Variants in HERC1 observed in about 807,000 individuals in gnomAD.
HERC1 encodes the protein probable E3 ubiquitin-protein ligase HERC1.
HERC1 carries 160 observed loss-of-function variants against 554.3 expected under a neutral mutation model. The ratio of observed to expected loss-of-function variants is 0.29; its 90% CI spans 0.25 to 0.33. The LOEUF is 0.33. Ranked by LOEUF, HERC1 falls within the 10% of genes least tolerant of loss-of-function variation. The pLI, the probability that HERC1 is intolerant of heterozygous loss-of-function variation, is 1.00. For synonymous variants in HERC1, 2,175 were observed against 2,131.7 expected, an observed-to-expected ratio of 1.02 and a Z score of -0.56; for missense variants, 4,919 against 5,918.5, an observed-to-expected ratio of 0.83 and a Z score of 5.54.
Position 63,729,343 on chromosome 15 carries a change from T to C in HERC1, c.3047A>G (p.His1016Arg), listed in dbSNP as rs766756586. Residue 1016 changes from histidine to arginine, a missense_variant, in exon 16 of 78, where the codon CAT becomes CGT. Physicochemically the swap from His to Arg is conservative, Grantham distance 29. Coordinates refer to ENST00000443617, the MANE Select transcript of HERC1 (RefSeq NM_003922.4). ...SENSSSVALLHKHLQLLLPHA... is the reference protein window; with the variant it reads ...SENSSSVALLRKHLQLLLPHA... ...AGGCAACAAAAGCTGAAGATGTTTA[T>C]GAAGCAATGCCACACTGCTTGAGTT... 1 of 1,610,288 alleles carries C rather than the reference T, an allele frequency of 6.2e-7. No homozygotes were observed. The highest frequency in any genetic ancestry group is 8.5e-7 in the Non-Finnish European group (1 of 1,178,368).
chr15:63,636,491 G>C (rs922882511), intron 64 of HERC1, among the ~76,000 whole-genome samples: 5 of 152,044 alleles, frequency 3.3e-5, no homozygotes, highest in Non-Finnish European at 5.9e-5. Context: ...GGCTGGTCAT[G>C]AACTCCTGAC....
rs2073400940 is a variant in HERC1 at position 63,713,383 on chromosome 15, C to T, written c.4433G>A (p.Ser1478Asn). ...CATAAGTCCACCCCCTTCAGAGGCACTTGTTGAAGGTTGCTGCAACTGTCC... is the reference window on the plus strand; with the variant it reads ...CATAAGTCCACCCCCTTCAGAGGCATTTGTTGAAGGTTGCTGCAACTGTCC... ...EEGQLQQPST[S>N]ASEGGGLMTR... Residue 1478 changes from serine (S) to asparagine (N), a missense_variant, in exon 23 of 78, where the codon AGT becomes AAT. Ser to Asn is a conservative substitution (Grantham distance 46). Transcript: ENST00000443617. The T allele has an allele frequency of 1.9e-6, 3 of 1,613,980 alleles. No individual in the cohort carries two copies. Among genetic ancestry groups the T allele is most frequent in the African/African-American group, 1.3e-5 (1 of 75,052 alleles).
intron 60 of HERC1, 60 bp downstream of exon 60, chr15:63,641,410 T>C (rs2069057074): frequency 1.4e-6 from 2 of 1,432,930 alleles, no homozygotes; most frequent in Non-Finnish European, 1.9e-6. Flanking sequence ...TTCAAGGCTA[T>C]AATCACATTC....
Position 63,677,994 on chromosome 15 carries a change from C to T in HERC1, c.6921G>A (p.Leu2307=). The part of the protein sequence containing the change: ...RTLCIEVWPV[L]AVIGGVDAGL... ...CAGCATCAACTCCTCCTATCACAGCCAGCACGGGCCACACCTCTATGCAAA... is the reference window on the plus strand; with the variant it reads ...CAGCATCAACTCCTCCTATCACAGCTAGCACGGGCCACACCTCTATGCAAA... The change falls in exon 37 of 78, where the codon CTG becomes CTA. Residue 2307 remains leucine (L), a synonymous_variant. Coordinates refer to ENST00000443617, the MANE Select transcript of HERC1 (RefSeq NM_003922.4). The surrounding 1 kb of genome is among the most constrained non-coding windows in gnomAD (Gnocchi z 4.4). 1.2e-6 allele frequency: 2 copies of T among 1,614,026 alleles called. No homozygotes were observed. Among genetic ancestry groups the T allele is most frequent in the Non-Finnish European group, 1.7e-6 (2 of 1,179,888 alleles).
intron 1 of HERC1, among the ~76,000 whole-genome samples, chr15:63,814,847 C>A (rs890130556): frequency 1.3e-5 from 2 of 152,268 alleles, no homozygotes; most frequent in East Asian, 3.9e-4. Flanking sequence ...TACCTGTCTA[C>A]GTCTCAAAAT....
intron 8 of HERC1, among the ~76,000 whole-genome samples, chr15:63,750,810 G>A (rs1347935106): frequency 1.3e-5 from 2 of 152,166 alleles, no homozygotes; most frequent in East Asian, 1.9e-4. Context: ...GCACAGGCCT[G>A]TGGTCCCAGC....
At chr15:63,790,348 G>A (rs1264287108) in intron 1 of HERC1, among the ~76,000 whole-genome samples, 1 of 152,158 alleles carries the variant, frequency 6.6e-6, no homozygotes, top group Non-Finnish European at 1.5e-5. Flanking sequence ...GGAGGCCGAG[G>A]CGGGCGGATC....
At chr15:63,805,190 T>C (rs1047688118) in intron 1 of HERC1, among the ~76,000 whole-genome samples, 8 of 152,194 alleles carry the variant, frequency 5.3e-5, no homozygotes, top group Non-Finnish European at 1.0e-4. Flanking sequence ...CATCATCTGA[T>C]GAATGAATAG....
At chr15:63,665,574 A>G (rs1347774099) in intron 42 of HERC1, among the ~76,000 whole-genome samples, 2 of 152,196 alleles carry the variant, frequency 1.3e-5, no homozygotes, top group African/African-American at 4.8e-5. Flanking sequence ...CATTAAATCA[A>G]TGTCCAATAT....
intron 41 of HERC1, 81 bp from the exon 42 acceptor site, chr15:63,666,231 C>T: frequency 7.2e-7 from 1 of 1,389,046 alleles, no homozygotes; most frequent in Non-Finnish European, 9.9e-7. Flanking sequence ...TGCTATGATG[C>T]TCTTGTAACA....
chr15:63,648,916 AACC>A (rs1426282308), intron 54 of HERC1, among the ~76,000 whole-genome samples: 1 of 152,208 alleles, frequency 6.6e-6, no homozygotes, highest in Non-Finnish European at 1.5e-5. Context: ...TCCCCCAGAC[AACC>A]AACAAAATCT....
intron 26 of HERC1, 23 bp downstream of exon 26, chr15:63,698,705 A>C: frequency 6.2e-7 from 1 of 1,602,984 alleles, no homozygotes; most frequent in Admixed American, 1.7e-5. Flanking sequence ...AGCTCTCATA[A>C]GGAGTAAATA....
Position 63,645,507 on chromosome 15 carries a change from G to T in HERC1, c.11054C>A (p.Ser3685Tyr), listed in dbSNP as rs1372070730. The T allele has an allele frequency of 5.0e-6, 8 of 1,611,620 alleles. No individual in the cohort carries two copies. The Admixed American group carries it at 8.4e-5, about 17-fold the overall frequency. ...CGTAGCCATCAGTAACTGCAACTTG[G>T]ATCCTTTCCCTGGAAGGCGGCACCA... ...IAWCRLPGKGSKLQLLMATGC... is the reference protein window; with the variant it reads ...IAWCRLPGKGYKLQLLMATGC... Residue 3685 changes from serine (S) to tyrosine (Y), a missense_variant, in exon 56 of 78, where the codon TCC becomes TAC. Physicochemically the swap from Ser to Tyr is moderately radical, Grantham distance 144 (BLOSUM62 -2). Around this residue, in one of 11 missense-constraint regions of HERC1, gnomAD observed 1,963 missense variants for 2,228.6 expected, o/e 0.88. Transcript: ENST00000443617.
intron 8 of HERC1, among the ~76,000 whole-genome samples, chr15:63,752,220 G>A (rs1234793548): frequency 6.6e-6 from 1 of 152,086 alleles, no homozygotes; most frequent in African/African-American, 2.4e-5. Flanking sequence ...CAGCTTTTCT[G>A]CTCCTCTGCC....
At position 63,775,693 on chromosome 15, in the gene HERC1, T is replaced by C; in HGVS notation, c.-26-44A>G. 4.8e-6 allele frequency: 6 copies of C among 1,246,776 alleles called. No individual in the cohort carries two copies. Among genetic ancestry groups the C allele is most frequent in the Non-Finnish European group, 6.7e-6 (6 of 889,746 alleles). The allele number at this position is 1,246,776 out of a possible 1,614,324, so 77.2% of individuals were successfully genotyped here. On this transcript the variant is annotated intron_variant, in intron 1 of 77. Coordinates refer to ENST00000443617, the MANE Select transcript of HERC1 (RefSeq NM_003922.4). The surrounding 1 kb of genome is among the most constrained non-coding windows in gnomAD (Gnocchi z 4.0). The stretch of plus-strand genomic sequence containing the variant: ...AAACAGTCAAAAACATACAGAGGAC[T>C]CATAAAATGTTTCCAAAATTTCATC...
chr15:63,765,398 G>A (rs1054582586), intron 2 of HERC1, among the ~76,000 whole-genome samples: 3 of 152,156 alleles, frequency 2.0e-5, no homozygotes, highest in African/African-American at 7.2e-5. Context: ...CCTATGGGAG[G>A]GCACTCTAAA....
chr15:63,632,589 T>C (rs1010965762), intron 68 of HERC1, 120 bp downstream of exon 68: 11 of 716,166 alleles, frequency 1.5e-5, no homozygotes, highest in East Asian at 2.7e-5. Flanking sequence ...AAGGAGGTCA[T>C]AGTGACTACT....
chr15:63,767,877 A>T (rs1017469638), intron 2 of HERC1, among the ~76,000 whole-genome samples: 3 of 151,506 alleles, frequency 2.0e-5, no homozygotes, highest in Admixed American at 6.6e-5. Flanking sequence ...CTTTCACACC[A>T]CTCTCCTCAC....
At position 63,674,649 on chromosome 15, in the gene HERC1, G is replaced by A. The variant is rs369950378; in HGVS notation, c.7539C>T (p.Leu2513=). The change falls in exon 38 of 78, where the codon CTC becomes CTT. Residue 2513 remains leucine, a synonymous_variant. Coordinates refer to ENST00000443617, the MANE Select transcript of HERC1 (RefSeq NM_003922.4). The stretch of plus-strand genomic sequence containing the variant: ...GGGCACTAAGTGACTTCATAGCACC[G>A]AGGTAAAGATAGGACAGCTGGACTG... ...IRAVQLSYLY[L]GAMKSLSALL... The A allele has an allele frequency of 9.3e-6, 15 of 1,613,614 alleles. No individual in the cohort carries two copies. The highest frequency in any genetic ancestry group is 5.3e-5 in the African/African-American group (4 of 74,902).
Sources: gnomAD v4.1 joint callset for allele counts (sites outside exome capture counted in the v4.1 genomes callset) on GRCh38, gnomAD v4.1.1 for gene constraint, gnomAD v4.1.1 regional missense constraint, Gnocchi (gnomAD v3.1) non-coding constraint, MANE v1.5 for transcripts, NCBI Gene and HGNC (gene_info 2026-07-23, HGNC 2026-07-21) for gene names.